The following AKAP9 variants were observed in gnomAD, a reference collection of about 807,000 sequenced individuals.
AKAP9 encodes the protein A-kinase anchoring protein 9.
In AKAP9, 311 loss-of-function variants were observed where a neutral mutation model predicts 488.5. That is an observed-to-expected ratio of 0.64 (90% CI 0.58 to 0.70). The LOEUF (loss-of-function observed/expected upper bound fraction) is 0.70. Among genes scored for constraint, AKAP9 ranks in the 30% least tolerant of loss-of-function variants. The pLI, the probability that AKAP9 is intolerant of heterozygous loss-of-function variation, is 0.00. For missense variants in AKAP9, 4,215 were observed against 4,374.5 expected (o/e 0.96, Z 1.03); for synonymous variants, 1,462 against 1,483.5 (o/e 0.99, Z 0.33).
At chr7:92,013,084 C>T (rs949599468) in intron 9 of AKAP9, among the ~76,000 whole-genome samples, 2 of 146,068 alleles carry the variant, frequency 1.4e-5, no homozygotes, top group Non-Finnish European at 3.0e-5. Flanking sequence ...CTCCACCTCC[C>T]GGGTTCACGC....
intron 11 of AKAP9, 33 bp downstream of exon 11, chr7:92,016,300 T>C: frequency 1.4e-6 from 2 of 1,384,286 alleles, no homozygotes; most frequent in Non-Finnish European, 2.0e-6. Flanking sequence ...TTAAACAGTA[T>C]TTAATCCTCT....
At chr7:91,966,303 A>G (rs1204802009) in intron 1 of AKAP9, among the ~76,000 whole-genome samples, 1 of 152,024 alleles carries the variant, frequency 6.6e-6, no homozygotes, top group Non-Finnish European at 1.5e-5. Flanking sequence ...GTATTTCTCT[A>G]CTGTTTTCTT....
At chr7:91,942,376 A>C (rs1790875586) in intron 1 of AKAP9, among the ~76,000 whole-genome samples, 1 of 152,210 alleles carries the variant, frequency 6.6e-6, no homozygotes, top group Non-Finnish European at 1.5e-5. Flanking sequence ...CCCTCTATTT[A>C]AGATCAAGGT....
intron 1 of AKAP9, among the ~76,000 whole-genome samples, chr7:91,947,153 CTG>C (rs2130448886): frequency 7.6e-6 from 1 of 130,772 alleles, no homozygotes; most frequent in East Asian, 2.6e-4. Flanking sequence ...GGTTTGGTGT[CTG>C]GGGTGTGTGT....
At chr7:92,100,052 T>C (rs1284510211) in intron 44 of AKAP9, 183 bp downstream of exon 44, 1 of 568,506 alleles carries the variant, frequency 1.8e-6, no homozygotes, top group East Asian at 3.2e-5. Context: ...ATTACTGTTA[T>C]TTATTGGAAA....
At chr7:91,985,229 A>G (rs887904359) in intron 3 of AKAP9, among the ~76,000 whole-genome samples, 4 of 152,186 alleles carry the variant, frequency 2.6e-5, no homozygotes, top group Non-Finnish European at 4.4e-5. Flanking sequence ...TTGCCCATTC[A>G]GTATGATATT....
chr7:91,991,563 C>T (rs1043335254), intron 3 of AKAP9, among the ~76,000 whole-genome samples: 3 of 151,888 alleles, frequency 2.0e-5, no homozygotes, highest in Admixed American at 6.6e-5. Context: ...GTTCCGCCTC[C>T]TGGGTTCACG....
intron 45 of AKAP9, 134 bp from the exon 46 acceptor site, chr7:92,102,460 C>CTACTACTACTAT: frequency 1.6e-6 from 1 of 617,634 alleles, no homozygotes; most frequent in South Asian, 1.9e-5. Flanking sequence ...ACTACTACTA[C>CTACTACTACTAT]TACTACTACT....
At chr7:92,107,480 T>C (rs7785971) in intron 48 of AKAP9, 58 bp downstream of exon 48, 10 of 1,542,928 alleles carry the variant, frequency 6.5e-6, no homozygotes, top group Non-Finnish European at 8.9e-6. Context: ...TTAACAGAGA[T>C]AAATGGACAT....
At chr7:91,992,301 T>A in intron 4 of AKAP9, 90 bp downstream of exon 4, 1 of 912,854 alleles carries the variant, frequency 1.1e-6, no homozygotes, top group Non-Finnish European at 1.8e-6. Context: ...TGCATGTACT[T>A]CTTTCTGTGT....
chr7:91,951,708 A>G (rs946922730), intron 1 of AKAP9, among the ~76,000 whole-genome samples: 60 of 152,192 alleles, frequency 3.9e-4, no homozygotes, highest in Admixed American at 3.2e-3. Flanking sequence ...TTCAGAAAGC[A>G]TCTTGATTGA....
intron 44 of AKAP9, chr7:92,100,120 C>G: frequency 2.5e-6 from 1 of 394,920 alleles, no homozygotes; most frequent in Non-Finnish European, 4.7e-6. Flanking sequence ...CCACATCCAC[C>G]TTATACCTGA....
chr7:92,001,090 T>C lies in AKAP9; in HGVS notation c.1173T>C (p.Ser391=). Residue 391 remains serine, a synonymous_variant, in exon 8 of 50, where the codon TCT becomes TCC. Coordinates refer to ENST00000356239, the MANE Select transcript of AKAP9 (RefSeq NM_005751.5). ...TNSKQKERQS[S]EEIKQLMGTV... ...CTAAGCAAAAAGAAAGACAGTCTTC[T>C]GAAGAAATAAAACAGTTAATGGGGA... is the stretch of plus-strand genomic sequence containing the variant. 1.2e-6 allele frequency: 2 copies of C among 1,613,806 alleles called. No homozygotes were observed. The highest frequency in any genetic ancestry group is 1.7e-6 in the Non-Finnish European group (2 of 1,179,902).
In AKAP9 at chr7:92,040,800, TTGTTAAGGCAAGCACATATGCGGCAAA is replaced by T; in HGVS notation, c.4822_4848del (p.Leu1608_Met1616del). 1 of 1,613,932 alleles carries T rather than the reference TTGTTAAGGCAAGCACATATGCGGCAAA, an allele frequency of 6.2e-7. No individual in the cohort carries two copies. The highest frequency in any genetic ancestry group is 8.5e-7 in the Non-Finnish European group (1 of 1,179,992). On this transcript the variant is annotated inframe_deletion, in exon 18 of 50. Coordinates refer to ENST00000356239, the MANE Select transcript of AKAP9 (RefSeq NM_005751.5). ...CCAAGAACATCAACAGGCAACGGAA[TTGTTAAGGCAAGCACATATGCGGCAAA>T]TGGAGAGACAGCGAGAAGACCAGGA...
At chr7:92,077,933 A>G in intron 30 of AKAP9, 58 bp downstream of exon 30, 3 of 1,221,596 alleles carry the variant, frequency 2.5e-6, no homozygotes, top group Non-Finnish European at 3.5e-6. Flanking sequence ...TAAAGGGCAA[A>G]ATGGTTATAA....
In AKAP9 at chr7:92,083,559, T is replaced by C; in HGVS notation, c.8550T>C (p.Thr2850=). 6.2e-7 allele frequency: 1 copy of C among 1,600,702 alleles called. No individual in the cohort carries two copies. The change falls in exon 33 of 50, where the codon ACT becomes ACC. Residue 2850 remains threonine (T), a synonymous_variant. Transcript: ENST00000356239. The stretch of plus-strand genomic sequence containing the variant: ...TGGAATCCAGACATATTTCAGAAAC[T>C]GAAACCTTAAAGAGGGAACACTATG... ...LDMESRHISE[T]ETLKREHYVA...
chr7:92,048,642 C>T (rs1194137246), intron 21 of AKAP9, among the ~76,000 whole-genome samples: 2 of 152,230 alleles, frequency 1.3e-5, no homozygotes, highest in South Asian at 2.1e-4. Flanking sequence ...AGTCATGGCT[C>T]ATGCCTGTAA....
chr7:92,097,914 A>G lies in AKAP9; in HGVS notation c.10607+120A>G, dbSNP rs950373734. 5.9e-6 allele frequency: 6 copies of G among 1,015,346 alleles called. No homozygotes were observed. The African/African-American group carries it at 9.6e-5, about 16-fold the overall frequency. The allele number at this position is 1,015,346 out of a possible 1,614,324, so 62.9% of individuals were successfully genotyped here. On this transcript the variant is annotated intron_variant, in intron 42 of 49. Coordinates refer to ENST00000356239, the MANE Select transcript of AKAP9 (RefSeq NM_005751.5). The stretch of plus-strand genomic sequence containing the variant: ...AATTTTAAAGGTAATGCGTGTTTAC[A>G]TTAGGAGGTGATATTCTTTAACAGA...
At position 91,977,663 on chromosome 7, in the gene AKAP9, G is replaced by C. The variant is rs1030884788; in HGVS notation, c.307-2626G>C. Among the ~76,000 whole-genome samples, 3 of 152,304 alleles carry C rather than the reference G, an allele frequency of 2.0e-5. No homozygotes were observed. In the East Asian group the frequency reaches 5.8e-4, roughly 29 times the overall value. ...TTGACCATTGTTTTTCTTGTGCATA[G>C]ACTATCCTTTCCTTTTTTTGTACAT... On this transcript the variant is annotated intron_variant, in intron 2 of 49. Coordinates refer to ENST00000356239, the MANE Select transcript of AKAP9 (RefSeq NM_005751.5).
Sources: gnomAD v4.1 joint callset for allele counts (sites outside exome capture counted in the v4.1 genomes callset) on GRCh38, gnomAD v4.1.1 for gene constraint, MANE v1.5 for transcripts, NCBI Gene and HGNC (gene_info 2026-07-23, HGNC 2026-07-21) for gene names.